WDR7: variants seen among roughly 807,000 people sequenced by gnomAD.
The protein encoded by WDR7 is WD repeat domain 7.
WDR7 carries 46 observed loss-of-function variants against 169.4 expected under a neutral mutation model. That is an observed-to-expected ratio of 0.27 (90% CI 0.21 to 0.35). The LOEUF (loss-of-function observed/expected upper bound fraction) is 0.35, where lower values mean the gene tolerates loss of function less well. Among genes scored for constraint, WDR7 ranks in the 10% least tolerant of loss-of-function variants. The pLI is 1.00. For missense variants in WDR7, 1,534 were observed against 1,859.3 expected (o/e 0.83, Z 3.22); for synonymous variants, 612 against 666.8 (o/e 0.92, Z 1.27).
chr18:56,796,569 T>A (rs1226111301), intron 19 of WDR7, among the ~76,000 whole-genome samples: 1 of 152,156 alleles, frequency 6.6e-6, no homozygotes, highest in Non-Finnish European at 1.5e-5. Flanking sequence ...AAAGTTAAAT[T>A]TCCACTAAAA....
At chr18:56,738,500 T>A (rs2144839850) in intron 14 of WDR7, among the ~76,000 whole-genome samples, 1 of 152,158 alleles carries the variant, frequency 6.6e-6, no homozygotes, top group South Asian at 2.1e-4. Flanking sequence ...TGAGGCTGCA[T>A]TGAGCTGAGA....
chr18:56,866,586 TAGATA>T (rs572428330), intron 20 of WDR7, among the ~76,000 whole-genome samples: 177 of 152,292 alleles, frequency 1.2e-3, no homozygotes, highest in African/African-American at 3.8e-3. Flanking sequence ...GATTAAGTAT[TAGATA>T]AATTATTTTT....
chr18:56,743,835 G>C (rs1015787243), intron 14 of WDR7, among the ~76,000 whole-genome samples: 3 of 152,170 alleles, frequency 2.0e-5, no homozygotes, highest in Non-Finnish European at 4.4e-5. Context: ...GGGAGGAATT[G>C]ATAATTGATG....
At chr18:56,943,982 GT>G (rs397858369) in intron 25 of WDR7, among the ~76,000 whole-genome samples, 1,290 of 78,776 alleles carry the variant, frequency 0.016, 1 homozygote, top group African/African-American at 0.046. Flanking sequence ...TGTTTTGTGG[GT>G]TTTTTTTTTT....
chr18:56,795,005 T>C (rs2044559235), intron 19 of WDR7, among the ~76,000 whole-genome samples: 1 of 152,238 alleles, frequency 6.6e-6, no homozygotes, highest in Non-Finnish European at 1.5e-5. Flanking sequence ...AGAATACTTC[T>C]CTAAGGAGAA....
intron 16 of WDR7, among the ~76,000 whole-genome samples, chr18:56,773,995 T>C (rs550357487): frequency 6.2e-4 from 94 of 152,306 alleles, no homozygotes; most frequent in African/African-American, 2.0e-3. Flanking sequence ...TATTCTTTTT[T>C]TAGTATTAAG....
intron 26 of WDR7, among the ~76,000 whole-genome samples, chr18:56,968,878 C>T (rs1322040960): frequency 6.6e-6 from 1 of 152,176 alleles, no homozygotes; most frequent in Non-Finnish European, 1.5e-5. Context: ...ACTGGATTTC[C>T]TAATCTCTTA....
At position 56,776,802 on chromosome 18, in the gene WDR7, G is replaced by T. The variant is rs567791994; in HGVS notation, c.2869G>T (p.Ala957Ser). ...GCAAGTTGCTGCACCTGTCGTTTCCGCTCGGTCTGATGCTGATCACTCTGG... is the reference window on the plus strand; with the variant it reads ...GCAAGTTGCTGCACCTGTCGTTTCCTCTCGGTCTGATGCTGATCACTCTGG... ...IKQVAAPVVS[A>S]RSDADHSGSD... The change falls in exon 17 of 28, where the codon GCT becomes TCT. Residue 957 changes from alanine (A) to serine (S), a missense_variant. Ala to Ser is a moderately conservative substitution (Grantham distance 99). Transcript: ENST00000254442. 6 of 1,613,380 alleles carry T rather than the reference G, an allele frequency of 3.7e-6. No individual in the cohort carries two copies. Among genetic ancestry groups the T allele is most frequent in the Non-Finnish European group, 5.1e-6 (6 of 1,179,772 alleles).
At chr18:56,695,680 G>T (rs1366516965) in intron 11 of WDR7, among the ~76,000 whole-genome samples, 1 of 152,006 alleles carries the variant, frequency 6.6e-6, no homozygotes, top group Non-Finnish European at 1.5e-5. Context: ...GGGATTATAG[G>T]CATGTGCCAC....
intron 2 of WDR7, 51 bp from the exon 3 acceptor site, chr18:56,679,281 A>T: frequency 6.8e-7 from 1 of 1,473,282 alleles, no homozygotes; most frequent in Non-Finnish European, 9.5e-7. Context: ...CTCAAATAGA[A>T]GGTTAATTTT....
At chr18:56,754,612 T>G (rs189200435) in intron 14 of WDR7, among the ~76,000 whole-genome samples, 304 of 152,238 alleles carry the variant, frequency 2.0e-3, no homozygotes, top group Non-Finnish European at 3.8e-3. Context: ...CTATGGGTAT[T>G]TTTCTACATG....
At chr18:56,680,171 A>G (rs938171084) in intron 3 of WDR7, among the ~76,000 whole-genome samples, 5 of 152,230 alleles carry the variant, frequency 3.3e-5, no homozygotes, top group African/African-American at 1.2e-4. Context: ...AGCCTGAGCA[A>G]CATGTTAAAA....
At chr18:56,661,167 C>A (rs540179626) in intron 1 of WDR7, among the ~76,000 whole-genome samples, 1 of 152,144 alleles carries the variant, frequency 6.6e-6, no homozygotes, top group African/African-American at 2.4e-5. Flanking sequence ...CTTTTGATGG[C>A]AACCTAAGGG....
At chr18:56,920,864 G>A (rs1052705630) in intron 21 of WDR7, among the ~76,000 whole-genome samples, 15 of 152,078 alleles carry the variant, frequency 9.9e-5, no homozygotes, top group Non-Finnish European at 8.8e-5. Context: ...CTTAATTTCA[G>A]CATTTGGTCC....
intron 16 of WDR7, among the ~76,000 whole-genome samples, chr18:56,770,829 G>T (rs895057314): frequency 5.3e-5 from 8 of 151,708 alleles, no homozygotes; most frequent in African/African-American, 1.5e-4. Context: ...TTTGGACATT[G>T]CATTTCTATA....
At chr18:56,956,256 A>G (rs530916171) in intron 25 of WDR7, among the ~76,000 whole-genome samples, 1 of 152,122 alleles carries the variant, frequency 6.6e-6, no homozygotes, top group Non-Finnish European at 1.5e-5. Flanking sequence ...TCCACCGTTC[A>G]TAGCCCCCAA....
intron 13 of WDR7, among the ~76,000 whole-genome samples, chr18:56,729,265 T>C (rs532561683): frequency 4.6e-5 from 7 of 152,326 alleles, no homozygotes; most frequent in African/African-American, 1.7e-4. Flanking sequence ...AAAATTGAAT[T>C]AACTTTAATT....
intron 11 of WDR7, among the ~76,000 whole-genome samples, 173 bp downstream of exon 11, chr18:56,695,371 T>C (rs1431664545): frequency 6.6e-6 from 1 of 152,184 alleles, no homozygotes; most frequent in Non-Finnish European, 1.5e-5. Context: ...GTGCCTGTTA[T>C]TAGAATTAAT....
At chr18:56,825,514 C>A (rs1283998833) in intron 20 of WDR7, among the ~76,000 whole-genome samples, 2 of 152,082 alleles carry the variant, frequency 1.3e-5, no homozygotes, top group Non-Finnish European at 2.9e-5. Context: ...GAAAATGAGG[C>A]ACAGAATGGT....
Sources: gnomAD v4.1 joint callset for allele counts (sites outside exome capture counted in the v4.1 genomes callset) on GRCh38, gnomAD v4.1.1 for gene constraint, MANE v1.5 for transcripts, NCBI Gene and HGNC (gene_info 2026-07-23, HGNC 2026-07-21) for gene names.